Variants in ABLIM3 observed in about 807,000 individuals in gnomAD.
ABLIM3 encodes the protein actin-binding LIM protein 3.
ABLIM3 carries 61 observed loss-of-function variants against 109.5 expected under a neutral mutation model. That is an observed-to-expected ratio of 0.56 (90% confidence interval 0.45 to 0.69). The LOEUF is 0.69. ABLIM3 is among the 30% of genes least tolerant of loss of function. The pLI is 0.00. For synonymous variants in ABLIM3, 300 were observed against 324.8 expected (o/e 0.92, Z 0.82); for missense variants, 796 against 889.5 (o/e 0.89, Z 1.34).
chr5:149,156,606 T>C (rs1236883349), intron 2 of ABLIM3, among the ~76,000 whole-genome samples: 1 of 152,242 alleles, frequency 6.6e-6, no homozygotes, highest in African/African-American at 2.4e-5. Context: ...TAAGCTAACA[T>C]TTAAGGAGCA....
rs1754651935 is a variant in ABLIM3, at chr5:149,258,513, G to A, written c.*109G>A. On this transcript the variant is annotated 3_prime_UTR_variant, in exon 24 of 24. Coordinates refer to ENST00000309868, the MANE Select transcript of ABLIM3 (RefSeq NM_014945.5). Reference sequence around the variant, plus strand: ...TGTAATGGGACACACTGCCTGCCATGAGACTTGCTTTTCTGTACTGTCAGG... The same window carrying A: ...TGTAATGGGACACACTGCCTGCCATAAGACTTGCTTTTCTGTACTGTCAGG... The A allele has an allele frequency of 3.5e-6, 5 of 1,415,630 alleles. No individual in the cohort carries two copies. The highest frequency in any genetic ancestry group is 4.6e-6 in the Non-Finnish European group (5 of 1,089,750). The allele number at this position is 1,415,630 out of a possible 1,614,324, so 87.7% of individuals were successfully genotyped here. A position where few individuals can be genotyped will look rare whatever the true frequency, so the allele number is the denominator to read the frequency against.
intron 7 of ABLIM3, 44 bp downstream of exon 7, chr5:149,210,863 G>A: frequency 6.4e-7 from 1 of 1,566,550 alleles, no homozygotes; most frequent in African/African-American, 1.4e-5. Context: ...AGGGTGATCT[G>A]TGCCTCCAAA....
chr5:149,163,163 G>A (rs918840773), intron 2 of ABLIM3, among the ~76,000 whole-genome samples: 10 of 152,164 alleles, frequency 6.6e-5, no homozygotes, highest in Non-Finnish European at 8.8e-5. Context: ...GTGGGAGTCC[G>A]GGTTAAGCAT....
chr5:149,193,261 AAAG>A (rs1262585322), intron 3 of ABLIM3, among the ~76,000 whole-genome samples: 1 of 152,116 alleles, frequency 6.6e-6, no homozygotes, highest in Non-Finnish European at 1.5e-5. Flanking sequence ...ATAATACTAA[AAAG>A]AAAGTCAATA....
At chr5:149,144,269 A>G (rs1481244211) in intron 2 of ABLIM3, among the ~76,000 whole-genome samples, 2 of 152,184 alleles carry the variant, frequency 1.3e-5, no homozygotes, top group South Asian at 2.1e-4. Context: ...TTCTCTAAAC[A>G]GACACCTGGG....
intron 7 of ABLIM3, among the ~76,000 whole-genome samples, chr5:149,215,349 C>T (rs994890258): frequency 6.6e-6 from 1 of 152,058 alleles, no homozygotes; most frequent in Admixed American, 6.6e-5. Context: ...ATGACAAGGA[C>T]ACTGTCTCAT....
At chr5:149,199,223 G>T in intron 4 of ABLIM3, 1 of 421,814 alleles carries the variant, frequency 2.4e-6, no homozygotes, top group Non-Finnish European at 4.8e-6. Flanking sequence ...TTAATGGACA[G>T]CTCTGATTAC....
At chr5:149,181,140 A>G (rs932960238) in intron 2 of ABLIM3, among the ~76,000 whole-genome samples, 9 of 152,194 alleles carry the variant, frequency 5.9e-5, no homozygotes, top group Admixed American at 3.9e-4. Context: ...TTCCCTTGGC[A>G]ATGGTAGATC....
chr5:149,249,909 C>T (rs1753762901), intron 19 of ABLIM3, 65 bp downstream of exon 19: 1 of 1,575,592 alleles, frequency 6.3e-7, no homozygotes, highest in Non-Finnish European at 8.7e-7. Flanking sequence ...GTGTCAGCTG[C>T]AGTTCTCCAT....
At position 149,248,066 on chromosome 5, in the gene ABLIM3, C is replaced by G. The variant is rs1459787971; in HGVS notation, c.1699+137C>G. On this transcript the variant is annotated intron_variant, in intron 18 of 23. Transcript: ENST00000309868. The stretch of plus-strand genomic sequence containing the variant: ...CCTCTCTCTTCTTCCTCACAGCAGC[C>G]CTGTGGTGGGTGACTTGCCCAAGAT... The G allele has an allele frequency of 3.5e-6, 4 of 1,145,426 alleles. No individual in the cohort carries two copies. In the East Asian group the frequency reaches 1.0e-4, roughly 30 times the overall value. The allele number at this position is 1,145,426 out of a possible 1,614,324, so 71.0% of individuals were successfully genotyped here.
At chr5:149,200,022 A>G (rs1758345794) in intron 4 of ABLIM3, among the ~76,000 whole-genome samples, 1 of 152,238 alleles carries the variant, frequency 6.6e-6, no homozygotes, top group Non-Finnish European at 1.5e-5. Context: ...AGAAGAGAGA[A>G]CAAGTATCTG....
At chr5:149,223,369 A>G (rs1197001398) in intron 8 of ABLIM3, among the ~76,000 whole-genome samples, 1 of 152,062 alleles carries the variant, frequency 6.6e-6, no homozygotes, top group Non-Finnish European at 1.5e-5. Context: ...TACTTCCTCT[A>G]TTTTCTGAGA....
chr5:149,160,331 C>T (rs553690175), intron 2 of ABLIM3, among the ~76,000 whole-genome samples: 199 of 151,916 alleles, frequency 1.3e-3, no homozygotes, highest in Non-Finnish European at 2.3e-3. Flanking sequence ...TGTTGGTGCA[C>T]GCCTGTAATC....
Position 149,259,499 on chromosome 5 carries a change from C to T in ABLIM3, c.*1095C>T, listed in dbSNP as rs1438688. On this transcript the variant is annotated 3_prime_UTR_variant, in exon 24 of 24. Transcript: ENST00000309868. ...GGCTGGCAGGGCAACCATACCATACCCCCGCCAGTCCTCGGCTCCTGCTGC... is the reference window on the plus strand; with the variant it reads ...GGCTGGCAGGGCAACCATACCATACTCCCGCCAGTCCTCGGCTCCTGCTGC... The T allele has an allele frequency of 0.44, 670,791 of 1,535,826 alleles. 153,143 individuals are homozygous for T. The highest frequency in any genetic ancestry group is 0.53 in the East Asian group (21,822 of 40,900).
chr5:149,246,606 T>G, intron 17 of ABLIM3, 60 bp downstream of exon 17: 1 of 1,544,376 alleles, frequency 6.5e-7, no homozygotes. Context: ...GAGGGTCTTT[T>G]CATTTACAAG....
At chr5:149,151,985 G>C (rs1208718975) in intron 2 of ABLIM3, among the ~76,000 whole-genome samples, 1 of 152,164 alleles carries the variant, frequency 6.6e-6, no homozygotes, top group Non-Finnish European at 1.5e-5. Flanking sequence ...CCTCCTGGTG[G>C]CCAATGTAAA....
chr5:149,184,104 T>C (rs1472674882), intron 3 of ABLIM3, among the ~76,000 whole-genome samples: 2 of 152,072 alleles, frequency 1.3e-5, no homozygotes, highest in African/African-American at 4.8e-5. Flanking sequence ...TGTTAGGTCA[T>C]CTCTCATTGT....
At chr5:149,247,179 A>C (rs945913181) in intron 17 of ABLIM3, among the ~76,000 whole-genome samples, 7 of 152,342 alleles carry the variant, frequency 4.6e-5, no homozygotes, top group Non-Finnish European at 7.3e-5. Context: ...CATTATGCTT[A>C]AGAAAAGAAG....
At chr5:149,144,204 G>A (rs986491700) in intron 2 of ABLIM3, among the ~76,000 whole-genome samples, 1 of 152,204 alleles carries the variant, frequency 6.6e-6, no homozygotes, top group South Asian at 2.1e-4. Flanking sequence ...AATGAACAGA[G>A]GAGAATGGCT....
Sources: allele counts gnomAD v4.1 joint callset (sites outside exome capture counted in the v4.1 genomes callset), GRCh38; gene constraint gnomAD v4.1.1; transcripts MANE v1.5; gene names NCBI Gene and HGNC (gene_info 2026-07-23, HGNC 2026-07-21).